SLC14A2: variants seen among roughly 807,000 people sequenced by gnomAD.
SLC14A2 encodes the protein solute carrier family 14 member 2.
In SLC14A2, 91 loss-of-function variants were observed where a neutral mutation model predicts 104.6. The ratio of observed to expected loss-of-function variants is 0.87; its 90% confidence interval spans 0.73 to 1.04. The LOEUF is 1.04. Ranked by LOEUF, SLC14A2 falls within the 50% of genes least tolerant of loss-of-function variation. The pLI is 0.00. For missense variants in SLC14A2, 1,189 were observed against 1,156.0 expected (o/e 1.03, Z -0.41); for synonymous variants, 476 against 466.4 (o/e 1.02, Z -0.27).
chr18:45,358,732 G>A (rs998344603), intron 1 of SLC14A2, among the ~76,000 whole-genome samples: 4 of 152,092 alleles, frequency 2.6e-5, no homozygotes, highest in Non-Finnish European at 5.9e-5. Context: ...ATACACTACT[G>A]CACCCAGCTA....
At chr18:45,286,291 T>C (rs568128963) in intron 1 of SLC14A2, among the ~76,000 whole-genome samples, 1 of 152,314 alleles carries the variant, frequency 6.6e-6, no homozygotes, top group African/African-American at 2.4e-5. Flanking sequence ...GATTCAATCC[T>C]CAGAGATGCT....
At chr18:45,624,912 A>C in intron 2 of SLC14A2, 98 bp downstream of exon 2, 1 of 1,265,578 alleles carries the variant, frequency 7.9e-7, no homozygotes, top group Non-Finnish European at 1.1e-6. Context: ...TGAACTTAGC[A>C]CACTGAGGAA....
intron 2 of SLC14A2, among the ~76,000 whole-genome samples, chr18:45,506,184 G>A (rs2852314): frequency 0.57 from 86,175 of 152,032 alleles, 26,221 homozygotes; most frequent in Non-Finnish European, 0.68. Context: ...CTGAGGCCCC[G>A]TCCTCAAGTC....
intron 1 of SLC14A2, among the ~76,000 whole-genome samples, chr18:45,445,689 G>A (rs149792403): frequency 2.1e-3 from 325 of 152,342 alleles, no homozygotes; most frequent in African/African-American, 7.4e-3. Flanking sequence ...ACAAGCTACA[G>A]ATTAGGTTAG....
intron 1 of SLC14A2, among the ~76,000 whole-genome samples, chr18:45,274,262 T>G (rs2084679771): frequency 6.6e-6 from 1 of 152,204 alleles, no homozygotes; most frequent in South Asian, 2.1e-4. Context: ...AAGATGTGTG[T>G]TGTTCTTGTT....
chr18:45,650,738 CTTGTT>C (rs1282811701), intron 10 of SLC14A2, among the ~76,000 whole-genome samples: 3 of 104,528 alleles, frequency 2.9e-5, no homozygotes, highest in African/African-American at 1.4e-4. Context: ...GTTTTTTTGT[CTTGTT>C]TTGTTTTGTT....
At chr18:45,203,335 G>T in the SLC14A2 span, among the ~76,000 whole-genome samples, 4 of 152,198 alleles carry the variant, frequency 2.6e-5, no homozygotes, top group African/African-American at 4.8e-5. Flanking sequence ...TCTCCTAGGT[G>T]ATATTGACTA....
chr18:45,463,471 G>A (rs980013285), intron 1 of SLC14A2, among the ~76,000 whole-genome samples: 3 of 152,188 alleles, frequency 2.0e-5, no homozygotes, highest in Non-Finnish European at 2.9e-5. Flanking sequence ...GTAGATGCTC[G>A]ATAAATGACA....
chr18:45,341,299 G>A (rs926955298), intron 1 of SLC14A2, among the ~76,000 whole-genome samples: 1 of 152,140 alleles, frequency 6.6e-6, no homozygotes, highest in Non-Finnish European at 1.5e-5. Flanking sequence ...AAATAGAATT[G>A]ATCTTCATTA....
intron 1 of SLC14A2, among the ~76,000 whole-genome samples, chr18:45,333,000 G>A (rs1282909877): frequency 6.6e-6 from 1 of 152,140 alleles, no homozygotes; most frequent in Non-Finnish European, 1.5e-5. Context: ...TGCAGCTGGG[G>A]TAAATGGGCT....
At chr18:45,635,623 A>G (rs2045406710) in intron 5 of SLC14A2, among the ~76,000 whole-genome samples, 1 of 152,202 alleles carries the variant, frequency 6.6e-6, no homozygotes, top group African/African-American at 2.4e-5. Context: ...GACTAGGAAG[A>G]GAAAGATTGG....
At chr18:45,573,020 AAGAC>A (rs1011413671) in intron 2 of SLC14A2, among the ~76,000 whole-genome samples, 2 of 152,240 alleles carry the variant, frequency 1.3e-5, no homozygotes, top group African/African-American at 4.8e-5. Flanking sequence ...CCAAAACACC[AAGAC>A]AGACAGAAAA....
intron 1 of SLC14A2, among the ~76,000 whole-genome samples, chr18:45,330,237 C>T (rs1441522235): frequency 2.6e-5 from 4 of 152,156 alleles, no homozygotes; most frequent in Non-Finnish European, 5.9e-5. Context: ...AGAGCCATGA[C>T]TGTGACCTCT....
At chr18:45,604,259 G>A (rs1355235137) in intron 2 of SLC14A2, among the ~76,000 whole-genome samples, 2 of 152,238 alleles carry the variant, frequency 1.3e-5, no homozygotes, top group East Asian at 1.9e-4. Flanking sequence ...TGATGAAATT[G>A]GTGTGAGATC....
chr18:45,537,511 G>T (rs2043812581), intron 2 of SLC14A2, among the ~76,000 whole-genome samples: 1 of 152,226 alleles, frequency 6.6e-6, no homozygotes, highest in Non-Finnish European at 1.5e-5. Context: ...AAAATGGCCA[G>T]TGTGTTCCCT....
At chr18:45,529,716 A>C (rs1431135696) in intron 2 of SLC14A2, 1 of 152,162 alleles carries the variant, frequency 6.6e-6, no homozygotes, top group African/African-American at 2.4e-5. Flanking sequence ...CTCAAGGCCT[A>C]GGAGAATGGG....
chr18:45,614,134 G>A (rs1480126553), upstream of SLC14A2, among the ~76,000 whole-genome samples: 1 of 152,228 alleles, frequency 6.6e-6, no homozygotes, highest in Non-Finnish European at 1.5e-5. Context: ...ATGGCTAAAA[G>A]GGGCCAGTGT....
intron 2 of SLC14A2, among the ~76,000 whole-genome samples, chr18:45,559,788 G>A (rs2044178708): frequency 6.6e-6 from 1 of 152,206 alleles, no homozygotes; most frequent in Non-Finnish European, 1.5e-5. Context: ...AGACTGCTTT[G>A]TTTTCCCTGT....
intron 1 of SLC14A2, among the ~76,000 whole-genome samples, chr18:45,254,936 C>T (rs572772180): frequency 1.2e-4 from 19 of 152,300 alleles, no homozygotes; most frequent in African/African-American, 3.6e-4. Context: ...ACATTTACTC[C>T]GATTGATTCC....
Sources: allele counts gnomAD v4.1 joint callset (sites outside exome capture counted in the v4.1 genomes callset), GRCh38; gene constraint gnomAD v4.1.1; transcripts MANE v1.5; gene names NCBI Gene and HGNC (gene_info 2026-07-23, HGNC 2026-07-21).